The following NOL4 variants were observed in gnomAD, a reference collection of about 807,000 sequenced individuals.
The protein encoded by NOL4 is nucleolar protein 4, also known as cancer/testis antigen 125.
A neutral mutation model predicts 75.9 loss-of-function variants in NOL4; 17 were observed. The observed-to-expected ratio is 0.22, with a 90% CI of 0.15 to 0.34. NOL4 has a LOEUF of 0.34. Ranked by LOEUF, NOL4 falls within the 10% of genes least tolerant of loss-of-function variation. NOL4 has a pLI of 1.00. For synonymous variants in NOL4, 292 were observed against 289.9 expected (o/e 1.01, Z -0.07); for missense variants, 614 against 793.5 (o/e 0.77, Z 2.72).
chr18:34,069,146 A>G (rs1468834883), intron 5 of NOL4, among the ~76,000 whole-genome samples: 1 of 152,202 alleles, frequency 6.6e-6, no homozygotes, highest in Admixed American at 6.5e-5. Context: ...ACAACAAAAT[A>G]TGGATATAGT....
chr18:34,140,991 G>A (rs1170425147), intron 1 of NOL4, among the ~76,000 whole-genome samples: 1 of 151,966 alleles, frequency 6.6e-6, no homozygotes, highest in African/African-American at 2.4e-5. Flanking sequence ...AAAATCTCAG[G>A]ATACAAAATC....
intron 5 of NOL4, among the ~76,000 whole-genome samples, chr18:34,030,907 T>C (rs896519812): frequency 8.8e-5 from 13 of 147,262 alleles, no homozygotes; most frequent in Non-Finnish European, 1.4e-4. Flanking sequence ...GATAAAGTTT[T>C]TCAGATATAA....
At chr18:34,189,745 A>G (rs983180935) in intron 1 of NOL4, among the ~76,000 whole-genome samples, 1 of 152,086 alleles carries the variant, frequency 6.6e-6, no homozygotes, top group Non-Finnish European at 1.5e-5. Flanking sequence ...TGAGTTCAAA[A>G]TATGTACTTT....
intron 2 of NOL4, among the ~76,000 whole-genome samples, chr18:34,121,878 A>G (rs1456502724): frequency 1.3e-5 from 2 of 152,126 alleles, no homozygotes; most frequent in Non-Finnish European, 2.9e-5. Context: ...GAAAGTTAAC[A>G]TATTATGGGA....
At chr18:34,054,981 A>C (rs967858965) in intron 5 of NOL4, among the ~76,000 whole-genome samples, 2 of 149,138 alleles carry the variant, frequency 1.3e-5, no homozygotes, top group African/African-American at 4.9e-5. Context: ...TATATATTTT[A>C]TATATAACAT....
At chr18:34,034,094 C>A (rs573825733) in intron 5 of NOL4, among the ~76,000 whole-genome samples, 1 of 152,192 alleles carries the variant, frequency 6.6e-6, no homozygotes, top group African/African-American at 2.4e-5. Flanking sequence ...CATGAAAACA[C>A]GTTGTAACTA....
At chr18:34,222,160 AT>A in intron 1 of NOL4, 2 of 1,511,632 alleles carry the variant, frequency 1.3e-6, no homozygotes, top group Non-Finnish European at 1.8e-6. Context: ...GCTGAGATGC[AT>A]TGGGCTCTCA....
At chr18:34,222,408 T>C (rs2036412988) in intron 1 of NOL4, 2 of 1,138,370 alleles carry the variant, frequency 1.8e-6, no homozygotes, top group African/African-American at 3.3e-5. Context: ...GGCAACGATC[T>C]CTGGGAGTGA....
intron 9 of NOL4, among the ~76,000 whole-genome samples, chr18:33,918,055 C>T (rs1057403964): frequency 3.3e-5 from 5 of 152,144 alleles, no homozygotes; most frequent in South Asian, 2.1e-4. Context: ...TAAAATTAAA[C>T]GTATCTTTGC....
intron 5 of NOL4, among the ~76,000 whole-genome samples, chr18:34,022,671 T>C (rs1471272130): frequency 6.6e-6 from 1 of 152,000 alleles, no homozygotes; most frequent in Non-Finnish European, 1.5e-5. Context: ...ATTTGTGTTC[T>C]AGAATCCTTT....
At chr18:33,899,250 T>C (rs75608870) in intron 9 of NOL4, among the ~76,000 whole-genome samples, 2,247 of 152,220 alleles carry the variant, frequency 0.015, 50 homozygotes, top group African/African-American at 0.051. Context: ...CTGCAGTCAT[T>C]GGTCACCTCT....
chr18:34,017,074 C>T (rs900067061), intron 6 of NOL4, among the ~76,000 whole-genome samples: 1 of 152,072 alleles, frequency 6.6e-6, no homozygotes, highest in African/African-American at 2.4e-5. Context: ...CAAGAGACCC[C>T]TTCTGAAAGA....
intron 6 of NOL4, among the ~76,000 whole-genome samples, chr18:33,995,047 C>T (rs2073175268): frequency 6.6e-6 from 1 of 151,526 alleles, no homozygotes; most frequent in South Asian, 2.1e-4. Flanking sequence ...CCTAGAAATA[C>T]ACAAACTACT....
rs139163730 is a variant in NOL4 at position 34,121,616 on chromosome 18, A to T, written c.414+8255T>A. On this transcript the variant is annotated intron_variant, in intron 2 of 10. Transcript: ENST00000261592. ...TCGTTCATGTATTTATGCAAGAGGC[A>T]AAGTGCAGAGTCTGTGAGATGACGA... Among the ~76,000 whole-genome samples the T allele has an allele frequency of 5.1e-3, 784 of 152,328 alleles. 4 individuals are homozygous for T. Among genetic ancestry groups the T allele is most frequent in the Non-Finnish European group, 8.6e-3 (584 of 68,018 alleles).
intron 6 of NOL4, among the ~76,000 whole-genome samples, chr18:34,005,500 T>C (rs1283183672): frequency 6.6e-6 from 1 of 152,046 alleles, no homozygotes; most frequent in Non-Finnish European, 1.5e-5. Flanking sequence ...ATCCTCACTA[T>C]TGACCTCACA....
intron 6 of NOL4, among the ~76,000 whole-genome samples, chr18:33,998,196 T>C (rs1237910275): frequency 1.3e-5 from 2 of 151,990 alleles, no homozygotes; most frequent in Non-Finnish European, 2.9e-5. Context: ...AAATTAACCA[T>C]AGTGATGGTT....
intron 9 of NOL4, 33 bp from the exon 10 acceptor site, chr18:33,883,457 A>C (rs2064438401): frequency 6.4e-7 from 1 of 1,552,472 alleles, no homozygotes. Context: ...ATTATTTATC[A>C]CCTCACAGTG....
At chr18:33,853,317 T>C (rs911279845) in intron 10 of NOL4, among the ~76,000 whole-genome samples, 3 of 152,120 alleles carry the variant, frequency 2.0e-5, no homozygotes, top group African/African-American at 7.2e-5. Context: ...ATGTGTTTTT[T>C]GAAAAATTCA....
At chr18:33,857,183 T>A (rs1486340266) in intron 10 of NOL4, among the ~76,000 whole-genome samples, 1 of 152,030 alleles carries the variant, frequency 6.6e-6, no homozygotes. Flanking sequence ...AACTGGAAGC[T>A]CCTCAACTGA....
Sources: gnomAD v4.1 joint callset for allele counts (sites outside exome capture counted in the v4.1 genomes callset) on GRCh38, gnomAD v4.1.1 for gene constraint, MANE v1.5 for transcripts, NCBI Gene and HGNC (gene_info 2026-07-23, HGNC 2026-07-21) for gene names.